MYO16: variants seen among roughly 807,000 people sequenced by gnomAD.
MYO16 encodes myosin XVI.
MYO16 carries 94 observed loss-of-function variants against 205.3 expected under a neutral mutation model. That is an observed-to-expected ratio of 0.46 (90% confidence interval 0.39 to 0.54). MYO16 has a LOEUF of 0.54. Among genes scored for constraint, MYO16 ranks in the 20% least tolerant of loss-of-function variants. The pLI is 0.00. For missense variants in MYO16, 2,315 were observed against 2,387.5 expected (o/e 0.97, Z 0.63); for synonymous variants, 988 against 954.0 (o/e 1.04, Z -0.66).
chr13:109,127,289 G>A lies in MYO16; in HGVS notation c.3790G>A (p.Asp1264Asn), dbSNP rs769962421. The A allele has an allele frequency of 1.3e-6, 2 of 1,583,768 alleles. No homozygotes were observed. The highest frequency in any genetic ancestry group is 1.7e-6 in the Non-Finnish European group (2 of 1,159,804). ...MQEEGSKRTD[D>N]KSGPRHFHPS... ...GTTTTGTTTCCCCCTAAGAACCGAT[G>A]ACAAGAGTGGACCCAGGCATTTCCA... The change falls in exon 31 of 35, where the codon GAC (aspartate) becomes AAC (asparagine). Residue 1264 changes from aspartate to asparagine, a missense_variant. Asp to Asn is a conservative substitution (Grantham distance 23, BLOSUM62 1). Coordinates refer to ENST00000457511, the MANE Select transcript of MYO16 (RefSeq NM_001198950.3). This position sits in a 1 kb window ranked among gnomAD's most constrained non-coding sequence, Gnocchi z 4.2.
At chr13:108,630,770 T>C (rs73604711) in intron 1 of MYO16, among the ~76,000 whole-genome samples, 16,491 of 152,192 alleles carry the variant, frequency 0.11, 1,512 homozygotes, top group African/African-American at 0.24. Flanking sequence ...GGAACACATG[T>C]GTTGAATGAA....
intron 5 of MYO16, among the ~76,000 whole-genome samples, chr13:108,793,151 T>C (rs947477802): frequency 5.3e-5 from 8 of 151,622 alleles, no homozygotes; most frequent in African/African-American, 1.7e-4. Context: ...CCGGGCGCAG[T>C]GGCGGGCGCC....
the MYO16 span, among the ~76,000 whole-genome samples, chr13:108,587,352 T>G: frequency 6.6e-6 from 1 of 152,170 alleles, no homozygotes; most frequent in African/African-American, 2.4e-5. Flanking sequence ...CAACTGTAAT[T>G]TTTTCAAGTT....
intron 33 of MYO16, among the ~76,000 whole-genome samples, chr13:109,175,965 A>G (rs1044531868): frequency 5.0e-4 from 76 of 152,030 alleles, no homozygotes; most frequent in Non-Finnish European, 6.2e-4. Context: ...AAAAAAAAAA[A>G]GTTCTTGTCA....
chr13:108,946,734 G>A (rs1480963621), intron 16 of MYO16, among the ~76,000 whole-genome samples: 2 of 152,038 alleles, frequency 1.3e-5, no homozygotes, highest in African/African-American at 2.4e-5. Flanking sequence ...TCTATACAGA[G>A]ATAGAGATGG....
At chr13:109,120,275 A>G in intron 28 of MYO16, 95 bp from the exon 29 acceptor site, 1 of 829,400 alleles carries the variant, frequency 1.2e-6, no homozygotes, top group Non-Finnish European at 1.9e-6. Context: ...GTTTCTTCTA[A>G]TCCTCTGCTG....
chr13:109,098,160 C>T (rs566875052), intron 27 of MYO16, among the ~76,000 whole-genome samples: 1 of 152,306 alleles, frequency 6.6e-6, no homozygotes, highest in South Asian at 2.1e-4. Flanking sequence ...TTCTTGTTCT[C>T]TCTATGAACT....
chr13:108,571,822 G>C, the MYO16 span, among the ~76,000 whole-genome samples: 2 of 150,400 alleles, frequency 1.3e-5, no homozygotes, highest in African/African-American at 2.4e-5. Context: ...TGTGTGTCTT[G>C]TATGTAACTC....
chr13:109,016,591 T>A (rs917579975), intron 22 of MYO16, among the ~76,000 whole-genome samples: 6 of 150,366 alleles, frequency 4.0e-5, no homozygotes, highest in African/African-American at 1.5e-4. Flanking sequence ...TGTGTGGGAG[T>A]CTAAATCTCT....
intron 33 of MYO16, among the ~76,000 whole-genome samples, chr13:109,178,081 TTATC>T (rs1399390073): frequency 6.6e-6 from 1 of 152,186 alleles, no homozygotes; most frequent in Non-Finnish European, 1.5e-5. Flanking sequence ...ACTATCTGCT[TTATC>T]TAGTTTCCTG....
intron 10 of MYO16, among the ~76,000 whole-genome samples, chr13:108,851,983 A>G (rs573075286): frequency 6.6e-5 from 10 of 151,824 alleles, no homozygotes. Flanking sequence ...GGCCTCCCAC[A>G]CACCCATCTC....
intron 33 of MYO16, among the ~76,000 whole-genome samples, chr13:109,177,767 T>A (rs977672056): frequency 1.4e-4 from 21 of 152,294 alleles, no homozygotes; most frequent in African/African-American, 4.8e-4. Context: ...TCCGCCACCT[T>A]AGCCTCCCAA....
intron 27 of MYO16, among the ~76,000 whole-genome samples, chr13:109,083,197 A>G (rs1055077237): frequency 1.5e-4 from 23 of 151,928 alleles, no homozygotes; most frequent in African/African-American, 5.6e-4. Flanking sequence ...AGCCTGGCCA[A>G]CATGGCGAAA....
intron 16 of MYO16, among the ~76,000 whole-genome samples, chr13:108,936,388 A>G (rs1882493897): frequency 6.6e-6 from 1 of 151,902 alleles, no homozygotes; most frequent in African/African-American, 2.4e-5. Context: ...TTTATTATAG[A>G]TTTAATTTCA....
rs576027225 is a variant in MYO16, at chr13:109,011,450, A to G, written c.2595+2401A>G. Among the ~76,000 whole-genome samples the G allele has an allele frequency of 2.0e-5, 3 of 146,538 alleles. No homozygotes were observed. The East Asian group carries it at 6.0e-4, about 29-fold the overall frequency. On this transcript the variant is annotated intron_variant, in intron 22 of 34. Coordinates refer to ENST00000457511, the MANE Select transcript of MYO16 (RefSeq NM_001198950.3). ...ACCATTGCAGCTCTCAGGCAATTGC[A>G]GTCTTTGGATTTTATTTTTCTTTTT... is the stretch of plus-strand genomic sequence containing the variant.
Position 108,758,597 on chromosome 13 carries a change from T to C in MYO16, c.508-27038T>C, listed in dbSNP as rs573771690. Among the ~76,000 whole-genome samples the C allele has an allele frequency of 2.6e-5, 4 of 152,328 alleles. No homozygotes were observed. In the South Asian group the frequency reaches 6.2e-4, roughly 24 times the overall value. ...TTTCAGTCATCAATTATCTCTCCTT[T>C]ATCTTTTGACTCCATTAGAAGAACA... On this transcript the variant is annotated intron_variant, in intron 4 of 34. Coordinates refer to ENST00000457511, the MANE Select transcript of MYO16 (RefSeq NM_001198950.3).
intron 3 of MYO16, among the ~76,000 whole-genome samples, chr13:108,718,767 C>G (rs1164015810): frequency 6.6e-6 from 1 of 152,032 alleles, no homozygotes; most frequent in East Asian, 2.0e-4. Flanking sequence ...TCTTTTGGGT[C>G]CTTGAGAACC....
At chr13:108,731,182 C>T (rs1180532957) in intron 4 of MYO16, among the ~76,000 whole-genome samples, 1 of 152,154 alleles carries the variant, frequency 6.6e-6, no homozygotes, top group Non-Finnish European at 1.5e-5. Flanking sequence ...AAATAATTAG[C>T]TTCTAGCAAG....
intron 14 of MYO16, among the ~76,000 whole-genome samples, chr13:108,894,362 T>C (rs1256240388): frequency 6.6e-6 from 1 of 152,144 alleles, no homozygotes; most frequent in Admixed American, 6.6e-5. Flanking sequence ...GTAGAGAAAC[T>C]CTTCCTGTGG....
Sources: gnomAD v4.1 joint callset for allele counts (sites outside exome capture counted in the v4.1 genomes callset) on GRCh38, gnomAD v4.1.1 for gene constraint, Gnocchi (gnomAD v3.1) non-coding constraint, MANE v1.5 for transcripts, NCBI Gene and HGNC (gene_info 2026-07-23, HGNC 2026-07-21) for gene names.